Variants in NCAM2 observed in about 807,000 individuals in gnomAD.
The protein encoded by NCAM2 is N-CAM-2.
NCAM2 carries 30 observed loss-of-function variants against 98.1 expected under a neutral mutation model. The observed-to-expected ratio is 0.31, with a 90% confidence interval of 0.23 to 0.41. The LOEUF is 0.41. Among genes scored for constraint, NCAM2 ranks in the 10% least tolerant of loss-of-function variants. The pLI, the probability that NCAM2 is intolerant of heterozygous loss-of-function variation, is 1.00. For synonymous variants in NCAM2, 368 were observed against 342.4 expected (o/e 1.07, Z -0.83); for missense variants, 867 against 1,005.8 (o/e 0.86, Z 1.87).
At chr21:21,171,778 A>C (rs1232927969) in intron 1 of NCAM2, among the ~76,000 whole-genome samples, 1 of 152,218 alleles carries the variant, frequency 6.6e-6, no homozygotes, top group Non-Finnish European at 1.5e-5. Flanking sequence ...ATTACAACAC[A>C]GGATAAATTT....
At position 21,031,528 on chromosome 21, in the gene NCAM2, A is replaced by T. The variant is rs113714839; in HGVS notation, c.55+32910A>T. On this transcript the variant is annotated intron_variant, in intron 1 of 17. Coordinates refer to ENST00000400546, the MANE Select transcript of NCAM2 (RefSeq NM_004540.5). Reference sequence around the variant, plus strand: ...ATTGCCTGTGCAGGTTCATGTGTGTAATATACTAATTGGCAATAAATAGTT... The same window carrying T: ...ATTGCCTGTGCAGGTTCATGTGTGTTATATACTAATTGGCAATAAATAGTT... Among the ~76,000 whole-genome samples, 1,001 of 152,290 alleles carry T rather than the reference A, an allele frequency of 6.6e-3. 15 individuals carry two copies. Among genetic ancestry groups the T allele is most frequent in the African/African-American group, 0.022 (934 of 41,552 alleles).
rs2074025350 is a variant in NCAM2 at position 21,310,803 on chromosome 21, A to G, written c.620-13580A>G. Among the ~76,000 whole-genome samples the G allele has an allele frequency of 2.6e-5, 4 of 151,996 alleles. No individual in the cohort carries two copies. The South Asian group carries it at 8.3e-4, about 32-fold the overall frequency. ...CAGAATTGTTCTTTCACCCCAAATC[A>G]CTCTCTAATCCCTTTATAGTCACTT... On this transcript the variant is annotated intron_variant, in intron 5 of 17. Transcript: ENST00000400546.
chr21:21,180,263 C>T (rs570660384), intron 1 of NCAM2, among the ~76,000 whole-genome samples: 4 of 152,256 alleles, frequency 2.6e-5, no homozygotes, highest in East Asian at 1.9e-4. Context: ...TTTATGGATA[C>T]ATAATAGTTG....
intron 1 of NCAM2, among the ~76,000 whole-genome samples, chr21:21,078,713 A>G (rs975937131): frequency 6.6e-6 from 1 of 152,204 alleles, no homozygotes; most frequent in Admixed American, 6.5e-5. Flanking sequence ...ATAAATCATT[A>G]TATTATAAAG....
intron 1 of NCAM2, among the ~76,000 whole-genome samples, chr21:21,266,693 G>A (rs1601817777): frequency 6.6e-6 from 1 of 152,012 alleles, no homozygotes; most frequent in East Asian, 1.9e-4. Flanking sequence ...GACACAGCAA[G>A]GGGAACATCA....
intron 1 of NCAM2, among the ~76,000 whole-genome samples, chr21:21,126,962 T>C (rs1239193552): frequency 2.0e-5 from 3 of 151,958 alleles, no homozygotes; most frequent in Admixed American, 2.0e-4. Context: ...AAAAACTGCA[T>C]CTAAATTTTA....
At chr21:21,405,628 G>A (rs551671962) in intron 9 of NCAM2, among the ~76,000 whole-genome samples, 1 of 152,154 alleles carries the variant, frequency 6.6e-6, no homozygotes, top group South Asian at 2.1e-4. Flanking sequence ...TTTTAATGCA[G>A]AAGTTTACTT....
intron 1 of NCAM2, among the ~76,000 whole-genome samples, chr21:21,122,908 G>C (rs768545762): frequency 2.0e-5 from 3 of 152,104 alleles, no homozygotes; most frequent in South Asian, 4.1e-4. Context: ...TTGCAGTCTC[G>C]TGTACACTTG....
chr21:21,445,754 C>T (rs1029342535), intron 12 of NCAM2, among the ~76,000 whole-genome samples: 1 of 152,178 alleles, frequency 6.6e-6, no homozygotes, highest in Middle Eastern at 3.4e-3. Flanking sequence ...ATACAACACA[C>T]TGATGGGTCT....
At chr21:21,013,201 T>C (rs548958956) in intron 1 of NCAM2, among the ~76,000 whole-genome samples, 4 of 152,288 alleles carry the variant, frequency 2.6e-5, no homozygotes, top group African/African-American at 9.6e-5. Context: ...AAGCTAGGCC[T>C]CCTGTGCCGG....
intron 10 of NCAM2, among the ~76,000 whole-genome samples, chr21:21,411,114 A>G (rs74219601): frequency 0.26 from 877 of 3,392 alleles, 59 homozygotes; most frequent in Middle Eastern, 0.5. Flanking sequence ...ATATATATGT[A>G]TATATATATA....
chr21:21,116,131 T>C (rs960868087), intron 1 of NCAM2, among the ~76,000 whole-genome samples: 1 of 152,110 alleles, frequency 6.6e-6, no homozygotes, highest in African/African-American at 2.4e-5. Context: ...AAATAAAATG[T>C]ATTTTCTTGC....
chr21:21,321,112 AC>A (rs1164472553), intron 5 of NCAM2, among the ~76,000 whole-genome samples: 2 of 152,154 alleles, frequency 1.3e-5, no homozygotes, highest in Admixed American at 1.3e-4. Flanking sequence ...CACTTCTGTG[AC>A]TTTCTAATGG....
At chr21:21,070,717 A>C (rs988712082) in intron 1 of NCAM2, among the ~76,000 whole-genome samples, 1 of 152,140 alleles carries the variant, frequency 6.6e-6, no homozygotes, top group Non-Finnish European at 1.5e-5. Context: ...AGCAGAATGC[A>C]TAAATGTGCC....
intron 9 of NCAM2, 76 bp downstream of exon 9, chr21:21,374,089 A>C: frequency 7.2e-7 from 1 of 1,395,118 alleles, no homozygotes; most frequent in Non-Finnish European, 9.8e-7. Flanking sequence ...AATAAAGACC[A>C]AAATATATAT....
intron 1 of NCAM2, among the ~76,000 whole-genome samples, chr21:21,255,514 G>A (rs1452815168): frequency 6.6e-6 from 1 of 152,160 alleles, no homozygotes; most frequent in Non-Finnish European, 1.5e-5. Flanking sequence ...CTTCTGTGAT[G>A]GGAGCCTTTT....
chr21:21,390,985 G>C (rs2076368337), intron 9 of NCAM2, among the ~76,000 whole-genome samples: 1 of 152,078 alleles, frequency 6.6e-6, no homozygotes, highest in South Asian at 2.1e-4. Context: ...TCTGTAAGTT[G>C]TCTTAAAGTT....
chr21:21,083,139 A>G (rs1476152061), intron 1 of NCAM2, among the ~76,000 whole-genome samples: 11 of 152,216 alleles, frequency 7.2e-5, no homozygotes, highest in Admixed American at 7.2e-4. Flanking sequence ...AAGAGTAGTA[A>G]TAATGGCAGT....
intron 5 of NCAM2, among the ~76,000 whole-genome samples, chr21:21,316,768 T>A (rs2074235467): frequency 6.6e-6 from 1 of 152,094 alleles, no homozygotes; most frequent in African/African-American, 2.4e-5. Flanking sequence ...GGTCTCAAAC[T>A]CCTGACCTCA....
Sources: allele counts gnomAD v4.1 joint callset (sites outside exome capture counted in the v4.1 genomes callset), GRCh38; gene constraint gnomAD v4.1.1; transcripts MANE v1.5; gene names NCBI Gene and HGNC (gene_info 2026-07-23, HGNC 2026-07-21).